The following CPNE8 variants were observed in gnomAD, a reference collection of about 807,000 sequenced individuals.
CPNE8 encodes copine 8, also known as copine-8.
Under a neutral mutation model 81.5 loss-of-function variants are expected in CPNE8, and 45 were observed. The ratio of observed to expected loss-of-function variants is 0.55; its 90% CI spans 0.44 to 0.71. The LOEUF is 0.71. Among genes scored for constraint, CPNE8 ranks in the 30% least tolerant of loss-of-function variants. The probability of loss-of-function intolerance (pLI) is 0.00; values close to 1 mark genes in which losing one functional copy is unlikely to be tolerated. For missense variants in CPNE8, 594 were observed against 672.1 expected, an observed-to-expected ratio of 0.88 and a Z score of 1.28; for synonymous variants, 252 against 226.3, an observed-to-expected ratio of 1.11 and a Z score of -1.02.
chr12:38,770,923 T>C (rs1469607356), intron 7 of CPNE8, among the ~76,000 whole-genome samples: 1 of 152,192 alleles, frequency 6.6e-6, no homozygotes, highest in Non-Finnish European at 1.5e-5. Flanking sequence ...TCACATATCA[T>C]GACATATATT....
intron 19 of CPNE8, among the ~76,000 whole-genome samples, chr12:38,669,679 A>G (rs1173824660): frequency 1.3e-5 from 2 of 152,216 alleles, no homozygotes; most frequent in African/African-American, 4.8e-5. Flanking sequence ...AGCAGACAGT[A>G]AAACACAGAT....
At chr12:38,807,361 G>A (rs1184901368) in intron 6 of CPNE8, among the ~76,000 whole-genome samples, 2 of 149,152 alleles carry the variant, frequency 1.3e-5, no homozygotes, top group Non-Finnish European at 3.0e-5. Flanking sequence ...ATACTACAAG[G>A]CTACAGTCAC....
chr12:38,656,758 C>G (rs1938830086), intron 19 of CPNE8, among the ~76,000 whole-genome samples: 1 of 152,102 alleles, frequency 6.6e-6, no homozygotes, highest in African/African-American at 2.4e-5. Flanking sequence ...AAGCGGGGAG[C>G]TCTCAGCAAC....
At chr12:38,895,603 C>T (rs117290063) in intron 1 of CPNE8, among the ~76,000 whole-genome samples, 1,799 of 152,100 alleles carry the variant, frequency 0.012, 17 homozygotes, top group Non-Finnish European at 0.022. Flanking sequence ...TTATGCCACT[C>T]CTATGAATTG....
intron 13 of CPNE8, among the ~76,000 whole-genome samples, chr12:38,710,100 T>A (rs1048597064): frequency 3.3e-5 from 5 of 151,978 alleles, no homozygotes; most frequent in Non-Finnish European, 7.4e-5. Context: ...AAGATTGATT[T>A]CTATATTTTT....
chr12:38,688,391 A>G (rs1040163453), intron 15 of CPNE8, among the ~76,000 whole-genome samples: 6 of 152,170 alleles, frequency 3.9e-5, no homozygotes, highest in African/African-American at 1.4e-4. Flanking sequence ...TCTTTTTAGT[A>G]TATGCTCTGG....
intron 5 of CPNE8, 132 bp from the exon 6 acceptor site, chr12:38,829,587 A>T (rs1232367120): frequency 3.1e-6 from 2 of 641,946 alleles, no homozygotes; most frequent in Non-Finnish European, 2.8e-6. Context: ...AATAAGTAAA[A>T]TAAGCTCAAT....
At chr12:38,869,425 A>C (rs1293887435) in intron 3 of CPNE8, among the ~76,000 whole-genome samples, 1 of 152,162 alleles carries the variant, frequency 6.6e-6, no homozygotes, top group Non-Finnish European at 1.5e-5. Flanking sequence ...ATTATTTCTC[A>C]TGTTACAAAT....
At chr12:38,890,148 G>T (rs1944292868) in intron 1 of CPNE8, among the ~76,000 whole-genome samples, 1 of 151,876 alleles carries the variant, frequency 6.6e-6, no homozygotes, top group Non-Finnish European at 1.5e-5. Context: ...TGACCTCATT[G>T]AAACAAAGTG....
At chr12:38,772,373 C>A (rs987108595) in intron 7 of CPNE8, among the ~76,000 whole-genome samples, 8 of 151,898 alleles carry the variant, frequency 5.3e-5, no homozygotes, top group Admixed American at 4.6e-4. Flanking sequence ...ATATAAGGAA[C>A]TCCTACAAAT....
chr12:38,794,415 T>C (rs1322436090), intron 6 of CPNE8, among the ~76,000 whole-genome samples: 2 of 152,074 alleles, frequency 1.3e-5, no homozygotes, highest in Admixed American at 1.3e-4. Flanking sequence ...GCCAAATAAG[T>C]ATATATCCAA....
At chr12:38,796,555 A>C (rs529884489) in intron 6 of CPNE8, among the ~76,000 whole-genome samples, 1 of 152,148 alleles carries the variant, frequency 6.6e-6, no homozygotes, top group Non-Finnish European at 1.5e-5. Context: ...CTATATAAAA[A>C]AGGGAGGCAG....
chr12:38,727,739 A>G (rs902524654), intron 11 of CPNE8, among the ~76,000 whole-genome samples: 42 of 151,006 alleles, frequency 2.8e-4, no homozygotes, highest in African/African-American at 1.0e-3. Flanking sequence ...CCAAAAAGGA[A>G]GATCTAGAGA....
intron 10 of CPNE8, 84 bp downstream of exon 10, chr12:38,760,763 A>G: frequency 9.5e-7 from 1 of 1,057,184 alleles, no homozygotes; most frequent in Non-Finnish European, 1.4e-6. Flanking sequence ...TCTAAAAATT[A>G]CAATTTAAAA....
intron 3 of CPNE8, among the ~76,000 whole-genome samples, chr12:38,866,084 T>G (rs1943908801): frequency 1.3e-5 from 2 of 152,244 alleles, no homozygotes; most frequent in Admixed American, 1.3e-4. Flanking sequence ...ATCAATACAG[T>G]ATTTGTCTGA....
chr12:38,829,621 T>G (rs1257756477), intron 5 of CPNE8, among the ~76,000 whole-genome samples, 166 bp from the exon 6 acceptor site: 1 of 152,258 alleles, frequency 6.6e-6, no homozygotes, highest in Non-Finnish European at 1.5e-5. Context: ...ACCATGTGAC[T>G]TTCACATGTT....
chr12:38,821,191 G>A (rs767480829), intron 6 of CPNE8, among the ~76,000 whole-genome samples: 4 of 152,082 alleles, frequency 2.6e-5, no homozygotes, highest in African/African-American at 4.8e-5. Context: ...CATAGGGCCT[G>A]TATCAATATG....
At chr12:38,846,550 C>G (rs923517503) in intron 4 of CPNE8, among the ~76,000 whole-genome samples, 9 of 152,080 alleles carry the variant, frequency 5.9e-5, no homozygotes, top group African/African-American at 2.2e-4. Flanking sequence ...TGGACCGGTT[C>G]AGCAACTGGC....
In CPNE8 at chr12:38,667,176, G is replaced by A. The variant is rs551970134; in HGVS notation, c.1506+3553C>T. ...TGTGTTGTGTGTATAAACTGGATTCGCTTCAAGCAGTGAGAAATGGAAAGC... is the reference window on the plus strand; with the variant it reads ...TGTGTTGTGTGTATAAACTGGATTCACTTCAAGCAGTGAGAAATGGAAAGC... On this transcript the variant is annotated intron_variant, in intron 19 of 19. Coordinates refer to ENST00000331366, the MANE Select transcript of CPNE8 (RefSeq NM_153634.3). Among the ~76,000 whole-genome samples the A allele has an allele frequency of 8.5e-5, 13 of 152,182 alleles. No homozygotes were observed. The East Asian group carries it at 1.4e-3, about 16-fold the overall frequency.
Sources: gnomAD v4.1 joint callset for allele counts (sites outside exome capture counted in the v4.1 genomes callset) on GRCh38, gnomAD v4.1.1 for gene constraint, MANE v1.5 for transcripts, NCBI Gene and HGNC (gene_info 2026-07-23, HGNC 2026-07-21) for gene names.